GLB1: variants seen among roughly 807,000 people sequenced by gnomAD.
GLB1 encodes the protein beta-galactosidase.
GLB1 carries 56 observed loss-of-function variants against 74.0 expected under a neutral mutation model. The ratio of observed to expected loss-of-function variants is 0.76; its 90% confidence interval spans 0.61 to 0.94. The LOEUF is 0.94. Among genes scored for constraint, GLB1 ranks in the 40% least tolerant of loss-of-function variants. The pLI is 0.00. For missense variants in GLB1, 787 were observed against 845.5 expected (o/e 0.93, Z 0.86); for synonymous variants, 323 against 323.6 (o/e 1.00, Z 0.02).
chr3:33,059,768 C>T (rs1204455399), intron 5 of GLB1, among the ~76,000 whole-genome samples: 1 of 152,184 alleles, frequency 6.6e-6, no homozygotes, highest in East Asian at 1.9e-4. Flanking sequence ...ATTCATCATA[C>T]TGCGCATTTA....
intron 15 of GLB1, among the ~76,000 whole-genome samples, chr3:33,005,143 A>C (rs142385935): frequency 6.6e-6 from 1 of 152,044 alleles, no homozygotes; most frequent in Non-Finnish European, 1.5e-5. Context: ...TAACTATCCT[A>C]TGGTTATCTA....
intron 5 of GLB1, 108 bp downstream of exon 5, chr3:33,065,355 A>T: frequency 7.0e-7 from 1 of 1,432,448 alleles, no homozygotes; most frequent in Non-Finnish European, 9.6e-7. Flanking sequence ...ATTACCTCTT[A>T]AAGAAACAGA....
chr3:33,066,929 G>T (rs1464073877), intron 4 of GLB1, among the ~76,000 whole-genome samples: 5 of 151,174 alleles, frequency 3.3e-5, no homozygotes, highest in Non-Finnish European at 7.4e-5. Context: ...AAAGTGGCCA[G>T]AATATAGAAG....
chr3:33,016,748 C>T lies in GLB1; in HGVS notation c.1440G>A (p.Met480Ile). 1.9e-6 allele frequency: 3 copies of T among 1,614,152 alleles called. No homozygotes were observed. The highest frequency in any genetic ancestry group is 2.5e-6 in the Non-Finnish European group (3 of 1,180,010). The change falls in exon 14 of 16, where the codon ATG (methionine) becomes ATA (isoleucine). Residue 480 changes from methionine (M) to isoleucine (I), a missense_variant. Physicochemically the swap from Met to Ile is conservative, Grantham distance 10 (BLOSUM62 1). Transcript: ENST00000307363. The part of the protein sequence containing the change: ...GATLDLLVEN[M>I]GRVNYGAYIN... ...TATATGCACCATAGTTCACACGTCC[C>T]ATGTTCTCTACCAGAAGGTCCAGAG...
intron 4 of GLB1, 97 bp from the exon 5 acceptor site, chr3:33,065,654 CG>C (rs2125543845): frequency 7.1e-7 from 1 of 1,417,938 alleles, no homozygotes; most frequent in African/African-American, 1.4e-5. Context: ...AACACAAATT[CG>C]TAAACTTTTT....
chr3:33,058,941 A>C (rs1395878954), intron 5 of GLB1, among the ~76,000 whole-genome samples: 1 of 152,166 alleles, frequency 6.6e-6, no homozygotes, highest in Non-Finnish European at 1.5e-5. Context: ...GGTGGTTCTC[A>C]ACCAGGAGCT....
chr3:32,983,071 A>G, the GLB1 span, among the ~76,000 whole-genome samples: 13 of 152,138 alleles, frequency 8.5e-5, no homozygotes, highest in Non-Finnish European at 1.6e-4. Context: ...TTACTTTGAC[A>G]TGTCTAGGTG....
At chr3:33,002,347 C>CCCTCCCTT (rs1371895554) in intron 15 of GLB1, among the ~76,000 whole-genome samples, 1 of 114,228 alleles carries the variant, frequency 8.8e-6, no homozygotes, top group Admixed American at 1.0e-4. Context: ...CTCCCTCCCT[C>CCCTCCCTT]CCTTCCTTCC....
intron 1 of GLB1, among the ~76,000 whole-genome samples, chr3:33,086,959 CAA>C (rs1163572162): frequency 3.9e-5 from 5 of 128,218 alleles, no homozygotes; most frequent in East Asian, 2.3e-4. Context: ...TAGAAATAAA[CAA>C]AAGAGAATAG....
At chr3:33,088,281 G>T (rs1700607494) in intron 1 of GLB1, among the ~76,000 whole-genome samples, 1 of 151,382 alleles carries the variant, frequency 6.6e-6, no homozygotes, top group African/African-American at 2.4e-5. Context: ...AGGCAAGAAA[G>T]AAATAAAAGG....
At chr3:32,967,403 C>T in the GLB1 span, among the ~76,000 whole-genome samples, 1 of 152,114 alleles carries the variant, frequency 6.6e-6, no homozygotes, top group African/African-American at 2.4e-5. Flanking sequence ...CTCGTCTCTA[C>T]TAAAAATACA....
At chr3:33,073,761 C>T (rs1025704377) in intron 1 of GLB1, among the ~76,000 whole-genome samples, 3 of 151,726 alleles carry the variant, frequency 2.0e-5, no homozygotes, top group African/African-American at 7.3e-5. Context: ...ATAATGCTAG[C>T]ACTTTGAGAG....
chr3:33,063,470 C>T (rs1699534630), intron 5 of GLB1, among the ~76,000 whole-genome samples: 1 of 151,914 alleles, frequency 6.6e-6, no homozygotes, highest in African/African-American at 2.4e-5. Flanking sequence ...CTGGCAGGAC[C>T]CAGGGTCAAG....
chr3:33,015,731 C>T (rs1697212914), intron 14 of GLB1, among the ~76,000 whole-genome samples: 1 of 152,180 alleles, frequency 6.6e-6, no homozygotes, highest in Non-Finnish European at 1.5e-5. Context: ...GACATTTATA[C>T]TGGAGGCAAA....
intron 13 of GLB1, among the ~76,000 whole-genome samples, chr3:33,017,657 AC>A (rs1559384000): frequency 6.6e-6 from 1 of 152,232 alleles, no homozygotes; most frequent in Admixed American, 6.5e-5. Flanking sequence ...GTTATGAAAC[AC>A]GGTTCTTTGT....
intron 10 of GLB1, among the ~76,000 whole-genome samples, chr3:33,027,346 G>GC (rs981206155): frequency 3.7e-4 from 57 of 152,244 alleles, no homozygotes; most frequent in Non-Finnish European, 6.5e-4. Context: ...CACACCCCTT[G>GC]CCGCTTTATG....
chr3:33,062,669 T>A (rs1018642867), intron 5 of GLB1, among the ~76,000 whole-genome samples: 1 of 152,064 alleles, frequency 6.6e-6, no homozygotes, highest in Non-Finnish European at 1.5e-5. Context: ...GCACCTGTAG[T>A]CCCAGCTATT....
At chr3:33,078,640 A>G (rs1700214646) in intron 1 of GLB1, among the ~76,000 whole-genome samples, 1 of 152,200 alleles carries the variant, frequency 6.6e-6, no homozygotes, top group African/African-American at 2.4e-5. Context: ...TAAAAGAAAG[A>G]AAGGGAGTAT....
chr3:33,091,087 C>G (rs975186628), intron 1 of GLB1: 6 of 985,264 alleles, frequency 6.1e-6, no homozygotes, highest in Non-Finnish European at 7.2e-6. Context: ...TCTAGCCCAC[C>G]TGGTGAAATC....
Sources: gnomAD v4.1 joint callset for allele counts (sites outside exome capture counted in the v4.1 genomes callset) on GRCh38, gnomAD v4.1.1 for gene constraint, MANE v1.5 for transcripts, NCBI Gene and HGNC (gene_info 2026-07-23, HGNC 2026-07-21) for gene names.